Variants in KSR2 observed in about 807,000 individuals in gnomAD.
KSR2 encodes kinase suppressor of ras 2.
KSR2 carries 25 observed loss-of-function variants against 107.8 expected under a neutral mutation model. The ratio of observed to expected loss-of-function variants is 0.23; its 90% CI spans 0.17 to 0.32. KSR2 has a LOEUF of 0.32. Ranked by LOEUF, KSR2 falls within the 10% of genes least tolerant of loss-of-function variation. KSR2 has a pLI of 1.00. For synonymous variants in KSR2, 480 were observed against 507.0 expected (o/e 0.95, Z 0.71); for missense variants, 887 against 1,268.9 (o/e 0.70, Z 4.57).
chr12:117,605,842 A>G (rs1881199972), intron 5 of KSR2, among the ~76,000 whole-genome samples: 1 of 152,230 alleles, frequency 6.6e-6, no homozygotes, highest in South Asian at 2.1e-4. Context: ...ATAAATCTGG[A>G]AACGATTATC....
At chr12:117,543,607 G>A (rs1283850593) in intron 9 of KSR2, among the ~76,000 whole-genome samples, 1 of 152,036 alleles carries the variant, frequency 6.6e-6, no homozygotes. Context: ...GTTATAAATT[G>A]TGTTAAACCT....
At chr12:117,627,838 C>T (rs576054203) in intron 5 of KSR2, among the ~76,000 whole-genome samples, 1 of 152,308 alleles carries the variant, frequency 6.6e-6, no homozygotes, top group South Asian at 2.1e-4. Flanking sequence ...TCAGGTACAC[C>T]AATCAAACGT....
chr12:117,583,111 G>A (rs1243338342), intron 5 of KSR2, among the ~76,000 whole-genome samples: 1 of 151,918 alleles, frequency 6.6e-6, no homozygotes, highest in Non-Finnish European at 1.5e-5. Context: ...GGGTGGATGA[G>A]TGGATAGATG....
intron 14 of KSR2, among the ~76,000 whole-genome samples, chr12:117,490,201 A>G (rs1398367636): frequency 6.6e-6 from 1 of 152,222 alleles, no homozygotes; most frequent in African/African-American, 2.4e-5. Flanking sequence ...CAGTTATCAG[A>G]CATGATTCTT....
chr12:117,825,475 T>C (rs1427489126), intron 3 of KSR2, among the ~76,000 whole-genome samples: 3 of 152,186 alleles, frequency 2.0e-5, no homozygotes, highest in Non-Finnish European at 2.9e-5. Flanking sequence ...TCCTTCTTCA[T>C]GTAACCATTC....
intron 4 of KSR2, among the ~76,000 whole-genome samples, chr12:117,760,292 C>G (rs1444609050): frequency 6.6e-6 from 1 of 152,210 alleles, no homozygotes; most frequent in Admixed American, 6.5e-5. Flanking sequence ...GCTCTCTCCC[C>G]CAAAGGGGTC....
intron 5 of KSR2, among the ~76,000 whole-genome samples, chr12:117,624,525 G>A (rs891231282): frequency 6.6e-6 from 1 of 152,148 alleles, no homozygotes; most frequent in African/African-American, 2.4e-5. Context: ...AAGATTAGAT[G>A]GTTATAGATG....
chr12:117,924,572 C>CAAAAAAAAAAAAAAAAAAAAAA (rs58789868), intron 1 of KSR2, among the ~76,000 whole-genome samples: 3 of 39,532 alleles, frequency 7.6e-5, no homozygotes, highest in Admixed American at 3.1e-4. Flanking sequence ...AGCTCCATCT[C>CAAAAAAAAAAAAAAAAAAAAAA]AAAAAAAAAA....
At chr12:117,553,684 G>A (rs906720900) in intron 9 of KSR2, among the ~76,000 whole-genome samples, 1 of 152,186 alleles carries the variant, frequency 6.6e-6, no homozygotes, top group African/African-American at 2.4e-5. Flanking sequence ...GGGGCCTAGT[G>A]GGAGGTACTT....
intron 1 of KSR2, among the ~76,000 whole-genome samples, chr12:117,949,679 A>G (rs1260284430): frequency 6.6e-6 from 1 of 152,274 alleles, no homozygotes; most frequent in Non-Finnish European, 1.5e-5. Context: ...TTTCATTTAT[A>G]TACAGCTCTT....
intron 9 of KSR2, among the ~76,000 whole-genome samples, chr12:117,548,375 TG>T (rs1877036239): frequency 6.6e-6 from 1 of 152,236 alleles, no homozygotes; most frequent in Admixed American, 6.5e-5. Context: ...ACGACAAGGA[TG>T]AAGACCTTTA....
chr12:117,491,094 C>T (rs899252150), intron 14 of KSR2, among the ~76,000 whole-genome samples: 1 of 152,190 alleles, frequency 6.6e-6, no homozygotes, highest in Non-Finnish European at 1.5e-5. Flanking sequence ...ACTCCCCAGC[C>T]TCTGGTAACC....
At chr12:117,534,779 G>C (rs1235441745) in intron 10 of KSR2, among the ~76,000 whole-genome samples, 3 of 151,888 alleles carry the variant, frequency 2.0e-5, no homozygotes, top group African/African-American at 7.3e-5. Flanking sequence ...TCACCACAAG[G>C]GTCCTCAGAA....
chr12:117,529,049 C>G (rs1875426381), intron 12 of KSR2, among the ~76,000 whole-genome samples: 1 of 152,116 alleles, frequency 6.6e-6, no homozygotes. Flanking sequence ...AGAGATGTAC[C>G]ATGTAAGTCT....
Position 117,779,020 on chromosome 12 carries a change from T to A in KSR2, c.473-17496A>T, listed in dbSNP as rs548167716. Among the ~76,000 whole-genome samples the A allele has an allele frequency of 2.6e-5, 4 of 152,316 alleles. No individual in the cohort carries two copies. The South Asian group carries it at 8.3e-4, about 32-fold the overall frequency. ...AATCCCTTTGGCTTTCCCCTCCCTGTGCAGATTCAGTGGGGCCAGCACCTG... is the reference window on the plus strand; with the variant it reads ...AATCCCTTTGGCTTTCCCCTCCCTGAGCAGATTCAGTGGGGCCAGCACCTG... On this transcript the variant is annotated intron_variant, in intron 3 of 19. Transcript: ENST00000339824.
intron 4 of KSR2, chr12:117,674,198 G>A: frequency 2.3e-6 from 1 of 444,010 alleles, no homozygotes; most frequent in South Asian, 1.6e-5. Flanking sequence ...AGGATCCCGA[G>A]AAATCTTACA....
At chr12:117,903,224 A>G (rs1566075080) in intron 1 of KSR2, among the ~76,000 whole-genome samples, 2 of 152,190 alleles carry the variant, frequency 1.3e-5, no homozygotes, top group East Asian at 3.9e-4. Context: ...TGAAAATAAG[A>G]GTTTCTCTCA....
rs766083769 is a variant in KSR2, at chr12:117,842,027, ACAGG to A, written c.472+13397_472+13400del. On this transcript the variant is annotated intron_variant, in intron 3 of 19. Transcript: ENST00000339824. The surrounding 1 kb of genome is among the most constrained non-coding windows in gnomAD (Gnocchi z 4.2). Reference sequence around the variant, plus strand: ...AGCCAGATGCAGGGAGAATTCCAACACAGGGGTTCTCAAAGCGTGTTCCCCAAAC... The same window carrying A: ...AGCCAGATGCAGGGAGAATTCCAACAGGTTCTCAAAGCGTGTTCCCCAAAC... Among the ~76,000 whole-genome samples, 2,557 of 152,326 alleles carry A rather than the reference ACAGG, an allele frequency of 0.017. 39 individuals are homozygous for A. The highest frequency in any genetic ancestry group is 0.024 in the Non-Finnish European group (1,666 of 68,036).
intron 4 of KSR2, among the ~76,000 whole-genome samples, chr12:117,707,739 C>A (rs1346612653): frequency 6.6e-6 from 1 of 152,184 alleles, no homozygotes; most frequent in African/African-American, 2.4e-5. Context: ...CACGGAGAGT[C>A]ATCTAGACTA....
Sources: gnomAD v4.1 joint callset for allele counts (sites outside exome capture counted in the v4.1 genomes callset) on GRCh38, gnomAD v4.1.1 for gene constraint, Gnocchi (gnomAD v3.1) non-coding constraint, MANE v1.5 for transcripts, NCBI Gene and HGNC (gene_info 2026-07-23, HGNC 2026-07-21) for gene names.